The following CCDC60 variants were observed in gnomAD, a reference collection of about 807,000 sequenced individuals.
The protein encoded by CCDC60 is coiled-coil domain containing 60.
Under a neutral mutation model 63.5 loss-of-function variants are expected in CCDC60, and 54 were observed. That is an observed-to-expected ratio of 0.85 (90% CI 0.68 to 1.07). The LOEUF (loss-of-function observed/expected upper bound fraction) is 1.07, where lower values mean the gene tolerates loss of function less well. Ranked by LOEUF, CCDC60 falls within the 50% of genes least tolerant of loss-of-function variation. The pLI is 0.00. For missense variants in CCDC60, 651 were observed against 684.3 expected, an observed-to-expected ratio of 0.95 and a Z score of 0.54; for synonymous variants, 206 against 238.8, an observed-to-expected ratio of 0.86 and a Z score of 1.27.
Position 119,420,813 on chromosome 12 carries a change from T to G in CCDC60, c.91-7870T>G, listed in dbSNP as rs1045598595. On this transcript the variant is annotated intron_variant, in intron 1 of 13. Transcript: ENST00000327554. This position sits in a 1 kb window ranked among gnomAD's most constrained non-coding sequence, Gnocchi z 4.1. ...CATTACATGCCTGTATCAAAACAAC[T>G]CATGTATTCCGTAAATATATGCACT... 2.0e-5 allele frequency among the ~76,000 whole-genome samples: 3 copies of G among 152,070 alleles called. No homozygotes were observed. The highest frequency in any genetic ancestry group is 7.2e-5 in the African/African-American group (3 of 41,406).
Position 119,472,007 on chromosome 12 carries a change from T to C in CCDC60, c.184T>C (p.Ser62Pro). ...DLIRSRFLIQ[S>P]VKIGRGYFAI... ...GCATGTCTCCAGCTTTTTGATCCAG[T>C]CTGTGAAGATAGGCCGTGGATATTT... The change falls in exon 3 of 14, where the codon TCT becomes CCT. Residue 62 changes from serine to proline, a missense_variant. Transcript: ENST00000327554. 6.2e-7 allele frequency: 1 copy of C among 1,613,686 alleles called. No individual in the cohort carries two copies. Among genetic ancestry groups the C allele is most frequent in the Non-Finnish European group, 8.5e-7 (1 of 1,179,880 alleles).
At chr12:119,403,693 C>T (rs1280981582) in intron 1 of CCDC60, among the ~76,000 whole-genome samples, 1 of 152,008 alleles carries the variant, frequency 6.6e-6, no homozygotes, top group East Asian at 1.9e-4. Context: ...GTTCCTCACC[C>T]CTCCCCTCCA....
At chr12:119,502,550 C>A (rs987664666) in intron 6 of CCDC60, among the ~76,000 whole-genome samples, 1 of 152,170 alleles carries the variant, frequency 6.6e-6, no homozygotes, top group African/African-American at 2.4e-5. Context: ...CATCTTCCCC[C>A]TACATTTTAT....
At chr12:119,477,894 T>C (rs1393785495) in intron 3 of CCDC60, among the ~76,000 whole-genome samples, 3 of 150,756 alleles carry the variant, frequency 2.0e-5, no homozygotes, top group African/African-American at 7.3e-5. Flanking sequence ...ATTGATTCAA[T>C]TGCACACACG....
chr12:119,444,280 C>G (rs1950499283), intron 2 of CCDC60, among the ~76,000 whole-genome samples: 1 of 152,178 alleles, frequency 6.6e-6, no homozygotes, highest in Non-Finnish European at 1.5e-5. Flanking sequence ...TGGCTCTTGT[C>G]ATCATCAGAG....
At chr12:119,530,797 A>G in intron 12 of CCDC60, 77 bp from the exon 13 acceptor site, 1 of 1,249,266 alleles carries the variant, frequency 8.0e-7, no homozygotes, top group Non-Finnish European at 1.1e-6. Context: ...GCAGAAAGAG[A>G]AAGTGGAGAT....
chr12:119,523,587 C>T, intron 10 of CCDC60, 106 bp from the exon 11 acceptor site: 1 of 1,512,322 alleles, frequency 6.6e-7, no homozygotes, highest in Non-Finnish European at 8.9e-7. Flanking sequence ...ACAGGGAGTC[C>T]CCCATGCAGA....
At chr12:119,470,540 C>T (rs1217640200) in intron 2 of CCDC60, among the ~76,000 whole-genome samples, 6 of 152,194 alleles carry the variant, frequency 3.9e-5, no homozygotes, top group Non-Finnish European at 5.9e-5. Context: ...AAGAGTCCCC[C>T]GATGAAATGA....
intron 3 of CCDC60, 44 bp from the exon 4 acceptor site, chr12:119,479,050 A>T: frequency 7.3e-7 from 1 of 1,367,936 alleles, no homozygotes; most frequent in Non-Finnish European, 1.0e-6. Flanking sequence ...GTTCAAAGCT[A>T]CTGCTCATTG....
intron 1 of CCDC60, among the ~76,000 whole-genome samples, chr12:119,340,548 A>G (rs1267902738): frequency 2.6e-5 from 4 of 151,864 alleles, no homozygotes; most frequent in Non-Finnish European, 5.9e-5. Flanking sequence ...CCCACCACCA[A>G]GTGATGAGGA....
At chr12:119,371,657 C>T (rs752263991) in intron 1 of CCDC60, among the ~76,000 whole-genome samples, 1 of 152,222 alleles carries the variant, frequency 6.6e-6, no homozygotes, top group Non-Finnish European at 1.5e-5. Context: ...TTTCAATTTT[C>T]TAAAACAAAC....
intron 1 of CCDC60, among the ~76,000 whole-genome samples, chr12:119,350,579 C>T (rs1319149548): frequency 6.6e-6 from 1 of 152,222 alleles, no homozygotes; most frequent in South Asian, 2.1e-4. Context: ...AAATAGGAGA[C>T]ATGGGAAAGC....
intron 2 of CCDC60, among the ~76,000 whole-genome samples, chr12:119,431,054 G>A (rs1442576875): frequency 2.0e-5 from 3 of 152,158 alleles, no homozygotes; most frequent in African/African-American, 7.2e-5. Context: ...GTTAGTTTCA[G>A]ACATACTGGC....
intron 1 of CCDC60, among the ~76,000 whole-genome samples, chr12:119,350,444 G>T (rs1955645015): frequency 6.6e-6 from 1 of 151,990 alleles, no homozygotes; most frequent in African/African-American, 2.4e-5. Flanking sequence ...TGTTGGCCAG[G>T]CTGGTCTCAA....
At chr12:119,352,669 G>T (rs1168822263) in intron 1 of CCDC60, among the ~76,000 whole-genome samples, 2 of 152,142 alleles carry the variant, frequency 1.3e-5, no homozygotes, top group East Asian at 1.9e-4. Flanking sequence ...AGACATGGTG[G>T]CTCATGCCTG....
intron 1 of CCDC60, among the ~76,000 whole-genome samples, chr12:119,411,919 C>G (rs1242126016): frequency 6.6e-6 from 1 of 152,066 alleles, no homozygotes; most frequent in Admixed American, 6.6e-5. Flanking sequence ...GATGCCTGCA[C>G]TTTCCTACAT....
chr12:119,495,642 A>C (rs1194836642), intron 5 of CCDC60, among the ~76,000 whole-genome samples: 1 of 152,184 alleles, frequency 6.6e-6, no homozygotes, highest in African/African-American at 2.4e-5. Context: ...GCATTTTTAA[A>C]ATTTAAATTG....
intron 2 of CCDC60, among the ~76,000 whole-genome samples, chr12:119,453,171 C>G (rs1950665591): frequency 6.6e-6 from 1 of 152,098 alleles, no homozygotes; most frequent in African/African-American, 2.4e-5. Context: ...CCCACTTTGG[C>G]CTAAACCCTT....
chr12:119,507,477 C>T (rs1213016808), intron 7 of CCDC60, among the ~76,000 whole-genome samples: 8 of 141,144 alleles, frequency 5.7e-5, no homozygotes, highest in African/African-American at 2.1e-4. Flanking sequence ...CATATATATA[C>T]ATATATACAC....
Sources: gnomAD v4.1 joint callset for allele counts (sites outside exome capture counted in the v4.1 genomes callset) on GRCh38, gnomAD v4.1.1 for gene constraint, Gnocchi (gnomAD v3.1) non-coding constraint, MANE v1.5 for transcripts, NCBI Gene and HGNC (gene_info 2026-07-23, HGNC 2026-07-21) for gene names.